ADAMTS13: variants seen among roughly 807,000 people sequenced by gnomAD.
The protein encoded by ADAMTS13 is A disintegrin and metalloproteinase with thrombospondin motifs 13.
Under a neutral mutation model 155.1 loss-of-function variants are expected in ADAMTS13, and 110 were observed. That is an observed-to-expected ratio of 0.71 (90% CI 0.61 to 0.83). The LOEUF (loss-of-function observed/expected upper bound fraction) is 0.83, where lower values mean the gene tolerates loss of function less well. ADAMTS13 is among the 40% of genes least tolerant of loss of function. ADAMTS13 has a pLI of 0.00. For missense variants in ADAMTS13, 1,707 were observed against 1,891.7 expected, an observed-to-expected ratio of 0.90 and a Z score of 1.81; for synonymous variants, 758 against 756.4, an observed-to-expected ratio of 1.00 and a Z score of -0.03.
chr9:133,442,501 G>A lies in ADAMTS13; in HGVS notation c.2071G>A (p.Val691Met), dbSNP rs1554791118. 2 of 1,613,720 alleles carry A rather than the reference G, an allele frequency of 1.2e-6. No homozygotes were observed. The highest frequency in any genetic ancestry group is 1.7e-6 in the Non-Finnish European group (2 of 1,180,040). ...ACGGCAGGCCTGGGTGTGGGCCGCT[G>A]TGCGTGGGCCCTGCTCGGTGAGCTG... ...KPRQAWVWAAVRGPCSVSCGA... is the reference protein window; with the variant it reads ...KPRQAWVWAAMRGPCSVSCGA... Residue 691 changes from valine (V) to methionine (M), a missense_variant, in exon 17 of 29, where the codon GTG (valine) becomes ATG (methionine). Transcript: ENST00000355699.
Position 133,459,009 on chromosome 9 carries a change from C to T in ADAMTS13, c.3945C>T (p.Phe1315=), listed in dbSNP as rs1554797091. ...RDTHSLRTTA[F]HGQQVLYWES... is the part of the protein sequence containing the mutation. ...CCCACAGCTTGAGGACCACAGCGTT[C>T]CATGGGCAGCAGGTGCTCTACTGGG... Residue 1315 remains phenylalanine, a synonymous_variant, in exon 29 of 29, where the codon TTC becomes TTT. Coordinates refer to ENST00000355699, the MANE Select transcript of ADAMTS13 (RefSeq NM_139027.6). The T allele has an allele frequency of 1.2e-6, 2 of 1,613,252 alleles. No individual in the cohort carries two copies. Among genetic ancestry groups the T allele is most frequent in the Admixed American group, 3.3e-5 (2 of 60,020 alleles).
chr9:133,459,220 A>G lies in ADAMTS13; in HGVS notation c.*40A>G. Reference sequence around the variant, plus strand: ...TTGTTCCGTGTCTGGCCAGCCCTGGAGGGTTGACCCCTGGTCTCAGTGCTT... The same window carrying G: ...TTGTTCCGTGTCTGGCCAGCCCTGGGGGGTTGACCCCTGGTCTCAGTGCTT... On this transcript the variant is annotated 3_prime_UTR_variant, in exon 29 of 29. Coordinates refer to ENST00000355699, the MANE Select transcript of ADAMTS13 (RefSeq NM_139027.6). 6.4e-7 allele frequency: 1 copy of G among 1,559,376 alleles called. No individual in the cohort carries two copies. The highest frequency in any genetic ancestry group is 8.7e-7 in the Non-Finnish European group (1 of 1,146,730).
Position 133,457,987 on chromosome 9 carries a change from G to T in ADAMTS13, c.3802G>T (p.Gly1268Cys). ...GAGTCCAGCCACGAGTAATGCAGGGGGCTGCCGGCTCTTCATTAATGTGGC... is the reference window on the plus strand; with the variant it reads ...GAGTCCAGCCACGAGTAATGCAGGGTGCTGCCGGCTCTTCATTAATGTGGC... ...SLSPATSNAG[G>C]CRLFINVAPH... The change falls in exon 28 of 29, where the codon GGC (glycine) becomes TGC (cysteine). Residue 1268 changes from glycine to cysteine, a missense_variant. By Grantham distance (159) the Gly-to-Cys change is radical. Coordinates refer to ENST00000355699, the MANE Select transcript of ADAMTS13 (RefSeq NM_139027.6). 1 of 1,613,660 alleles carries T rather than the reference G, an allele frequency of 6.2e-7. No individual in the cohort carries two copies. The highest frequency in any genetic ancestry group is 2.2e-5 in the East Asian group (1 of 44,888).
intron 15 of ADAMTS13, 79 bp downstream of exon 15, chr9:133,439,525 C>A: frequency 7.7e-7 from 1 of 1,295,770 alleles, no homozygotes; most frequent in Non-Finnish European, 1.1e-6. Context: ...GCCCTCACTT[C>A]TGACATCACC....
rs281875292 is a variant in ADAMTS13, at chr9:133,428,642, T to A, written c.695T>A (p.Leu232Gln). 7.9e-7 allele frequency: 1 copy of A among 1,273,534 alleles called. No individual in the cohort carries two copies. The highest frequency in any genetic ancestry group is 1.0e-6 in the Non-Finnish European group (1 of 1,001,918). The allele number at this position is 1,273,534 out of a possible 1,614,324, so 78.9% of individuals were successfully genotyped here. The change falls in exon 7 of 29, where the codon CTG (leucine) becomes CAG (glutamine). Residue 232 changes from leucine to glutamine, a missense_variant. This residue lies in a region of ADAMTS13 where 733 missense variants were observed against 749.6 expected (regional missense o/e 0.98). Coordinates refer to ENST00000355699, the MANE Select transcript of ADAMTS13 (RefSeq NM_139027.6). ...IAHEIGHSFG[L>Q]EHDGAPGSGC... The stretch of plus-strand genomic sequence containing the variant: ...CCCCGCCCCCCGACCAGCTTCGGCC[T>A]GGAGCACGACGGCGCGCCCGGCAGC...
exon 1 of ADAMTS13, chr9:133,414,504 A>G: frequency 5.4e-6 from 4 of 746,188 alleles, no homozygotes; most frequent in Non-Finnish European, 9.5e-6. Flanking sequence ...TCATGCGCAC[A>G]CTCTAGGGGA....
rs955961326 is a variant in ADAMTS13 at position 133,445,825 on chromosome 9, G to A, written c.2731+6G>A. 2 of 1,573,486 alleles carry A rather than the reference G, an allele frequency of 1.3e-6. No individual in the cohort carries two copies. The highest frequency in any genetic ancestry group is 2.3e-5 in the East Asian group (1 of 44,114). On this transcript the variant is annotated splice_donor_region_variant and intron_variant, in intron 21 of 28. Coordinates refer to ENST00000355699, the MANE Select transcript of ADAMTS13 (RefSeq NM_139027.6). This position sits in a 1 kb window ranked among gnomAD's most constrained non-coding sequence, Gnocchi z 5.0. ...CTCCGTCTCCTGCGGGCGAGGTGAGGGCCCCCGGGATGCTCCTGGGGACCA... is the reference window on the plus strand; with the variant it reads ...CTCCGTCTCCTGCGGGCGAGGTGAGAGCCCCCGGGATGCTCCTGGGGACCA...
chr9:133,440,408 C>G lies in ADAMTS13; in HGVS notation c.1851C>G (p.Tyr617Ter), dbSNP rs371266006. The change falls in exon 16 of 29, where the codon TAC becomes TAG. Residue 617 changes from tyrosine to a stop codon, truncating the protein, a stop_gained. Transcript: ENST00000355699. LOFTEE classifies it high-confidence loss of function. This position sits in a 1 kb window ranked among gnomAD's most constrained non-coding sequence, Gnocchi z 4.3. ...TGAGCATCTCCCCTAACACCACCTA[C>G]CCCTCCCTCCTGGAGGATGGTCGTG... ...GKMSISPNTT[Y>*]PSLLEDGRVE... The G allele has an allele frequency of 1.9e-6, 3 of 1,613,810 alleles. No individual in the cohort carries two copies. Among genetic ancestry groups the G allele is most frequent in the African/African-American group, 2.7e-5 (2 of 74,944 alleles).
rs1026865783 is a variant in ADAMTS13, at chr9:133,455,812, C to T, written c.3401-257C>T. ...AAGTAACTTGAAGGTAGGAACCCAG[C>T]TTGTGAGCCCCCTAGCCTCTGGGCT... On this transcript the variant is annotated intron_variant, in intron 25 of 28. Coordinates refer to ENST00000355699, the MANE Select transcript of ADAMTS13 (RefSeq NM_139027.6). The T allele has an allele frequency of 4.0e-5, 32 of 799,726 alleles. No homozygotes were observed. The African/African-American group carries it at 5.3e-4, about 13-fold the overall frequency. The allele number at this position is 799,726 out of a possible 1,614,324, so 49.5% of individuals were successfully genotyped here. A position where few individuals can be genotyped will look rare whatever the true frequency, so the allele number is the denominator to read the frequency against.
chr9:133,438,236 C>T lies in ADAMTS13; in HGVS notation c.1585-10C>T. The T allele has an allele frequency of 1.2e-6, 2 of 1,614,132 alleles. No homozygotes were observed. Among genetic ancestry groups the T allele is most frequent in the Non-Finnish European group, 1.7e-6 (2 of 1,180,018 alleles). On this transcript the variant is annotated splice_polypyrimidine_tract_variant and intron_variant, in intron 13 of 28. Transcript: ENST00000355699. ...AGTGACACGGGCCCTCTGTCCTTCC[C>T]TTTGCATAGACATTTGGCTGTGATG...
In ADAMTS13 at chr9:133,435,517, TTTTC is replaced by T. The variant is rs782134775; in HGVS notation, c.1309-1300_1309-1297del. Among the ~76,000 whole-genome samples the T allele has an allele frequency of 1.5e-3, 229 of 150,788 alleles. 1 individual carries two copies. The East Asian group carries it at 0.019, about 12-fold the overall frequency. ...GTTTGACTTTTTTTTTTTCTTATTT[TTTTC>T]TTTCTTTCTTTATTTTTTTTTTTTT... On this transcript the variant is annotated intron_variant, in intron 11 of 28. Transcript: ENST00000355699.
At chr9:133,449,669 G>A (rs1253668877) in intron 22 of ADAMTS13, 114 bp from the exon 23 acceptor site, 3 of 1,247,350 alleles carry the variant, frequency 2.4e-6, no homozygotes, top group Non-Finnish European at 3.4e-6. Context: ...ACCTCTCCGG[G>A]CCCTTCCCAG....
rs1424073220 is a variant in ADAMTS13 at position 133,440,141 on chromosome 9, T to C, written c.1787-203T>C. On this transcript the variant is annotated intron_variant, in intron 15 of 28. Transcript: ENST00000355699. This position sits in a 1 kb window ranked among gnomAD's most constrained non-coding sequence, Gnocchi z 4.3. ...CCTGAGCCCTGAGCCTGTTGAGTTCTGTGCGTGAGTGCACTTGGTCATAGC... is the reference window on the plus strand; with the variant it reads ...CCTGAGCCCTGAGCCTGTTGAGTTCCGTGCGTGAGTGCACTTGGTCATAGC... Among the ~76,000 whole-genome samples, 1 of 152,244 alleles carries C rather than the reference T, an allele frequency of 6.6e-6. No homozygotes were observed.
chr9:133,440,601 C>T lies in ADAMTS13; in HGVS notation c.1968+76C>T. 1 of 1,436,480 alleles carries T rather than the reference C, an allele frequency of 7.0e-7. No individual in the cohort carries two copies. Among genetic ancestry groups the T allele is most frequent in the Non-Finnish European group, 9.3e-7 (1 of 1,073,700 alleles). 89.0% of individuals were successfully genotyped at this position (1,436,480 alleles called of 1,614,324 possible). A position where few individuals can be genotyped will look rare whatever the true frequency, so the allele number is the denominator to read the frequency against. On this transcript the variant is annotated intron_variant, in intron 16 of 28. Coordinates refer to ENST00000355699, the MANE Select transcript of ADAMTS13 (RefSeq NM_139027.6). The surrounding 1 kb of genome is among the most constrained non-coding windows in gnomAD (Gnocchi z 4.3). Reference sequence around the variant, plus strand: ...ATGGCTGCTTGCTCGTTTGTCTATCCATCCATTCCCTGATTCGTTCATTTA... The same window carrying T: ...ATGGCTGCTTGCTCGTTTGTCTATCTATCCATTCCCTGATTCGTTCATTTA...
intron 6 of ADAMTS13, 131 bp from the exon 7 acceptor site, chr9:133,428,503 C>G: frequency 2.1e-6 from 1 of 471,980 alleles, no homozygotes; most frequent in Non-Finnish European, 3.2e-6. Context: ...AGGGGTCGAC[C>G]CGGGTCGGAA....
chr9:133,438,703 C>T (rs946702839), intron 14 of ADAMTS13, among the ~76,000 whole-genome samples: 25 of 152,056 alleles, frequency 1.6e-4, no homozygotes, highest in African/African-American at 1.9e-4. Flanking sequence ...CACCTGTAGT[C>T]GGGAGATCAC....
upstream of ADAMTS13, among the ~76,000 whole-genome samples, chr9:133,419,330 C>T (rs3124776): frequency 0.51 from 77,405 of 151,854 alleles, 20,010 homozygotes; most frequent in African/African-American, 0.55. Flanking sequence ...TGAGTTTGAA[C>T]GGGCCGTCAG....
Position 133,442,518 on chromosome 9 carries a change from G to A in ADAMTS13, c.2088G>A (p.Ser696=), listed in dbSNP as rs782288267. ...WVWAAVRGPC[S]VSCGAGLRWV... is the part of the protein sequence containing the mutation. ...GGGCCGCTGTGCGTGGGCCCTGCTCGGTGAGCTGTGGGGCAGGTGAGACCT... is the reference window on the plus strand; with the variant it reads ...GGGCCGCTGTGCGTGGGCCCTGCTCAGTGAGCTGTGGGGCAGGTGAGACCT... The change falls in exon 17 of 29, where the codon TCG becomes TCA. Residue 696 remains serine, a synonymous_variant. Transcript: ENST00000355699. The A allele has an allele frequency of 5.0e-6, 8 of 1,613,650 alleles. No homozygotes were observed. In the South Asian group the frequency reaches 5.5e-5, roughly 11 times the overall value.
chr9:133,425,919 C>G lies in ADAMTS13; in HGVS notation c.415-19C>G. The G allele has an allele frequency of 3.1e-6, 5 of 1,613,092 alleles. No individual in the cohort carries two copies. The highest frequency in any genetic ancestry group is 4.2e-6 in the Non-Finnish European group (5 of 1,179,998). On this transcript the variant is annotated intron_variant, in intron 4 of 28. Coordinates refer to ENST00000355699, the MANE Select transcript of ADAMTS13 (RefSeq NM_139027.6). This position sits in a 1 kb window ranked among gnomAD's most constrained non-coding sequence, Gnocchi z 4.6. The stretch of plus-strand genomic sequence containing the variant: ...CTGGTTGGGGTGTCCTAAATGCAGG[C>G]TTTGCTGTGGGTCCGCAGGGTGCTC...
Sources: allele counts gnomAD v4.1 joint callset (sites outside exome capture counted in the v4.1 genomes callset), GRCh38; gene constraint gnomAD v4.1.1; regional missense constraint gnomAD v4.1.1; non-coding constraint Gnocchi (gnomAD v3.1); transcripts MANE v1.5; gene names NCBI Gene and HGNC (gene_info 2026-07-23, HGNC 2026-07-21).